The following PABPC4L variants were observed in gnomAD, a reference collection of about 807,000 sequenced individuals.
PABPC4L encodes the protein polyadenylate-binding protein 4-like.
For missense variants in PABPC4L, 452 were observed against 451.4 expected (o/e 1.00, Z -0.01); for synonymous variants, 169 against 164.1 (o/e 1.03, Z -0.23).
the PABPC4L span, among the ~76,000 whole-genome samples, chr4:134,015,057 C>G: frequency 2.6e-5 from 4 of 151,972 alleles, no homozygotes; most frequent in African/African-American, 4.8e-5. Context: ...CACCTTAACC[C>G]ACAAGTATAA....
the PABPC4L span, among the ~76,000 whole-genome samples, chr4:134,161,698 A>C: frequency 2.6e-5 from 4 of 152,162 alleles, no homozygotes; most frequent in Admixed American, 2.6e-4. Flanking sequence ...AGAATAGGGC[A>C]TTAATGAGCA....
chr4:133,975,024 T>C, the PABPC4L span, among the ~76,000 whole-genome samples: 1 of 152,152 alleles, frequency 6.6e-6, no homozygotes, highest in Non-Finnish European at 1.5e-5. Context: ...AAAACTCATG[T>C]TCACTCAATA....
the PABPC4L span, among the ~76,000 whole-genome samples, chr4:134,112,920 T>C: frequency 6.6e-6 from 1 of 151,878 alleles, no homozygotes; most frequent in Non-Finnish European, 1.5e-5. Flanking sequence ...GACCTTCCCT[T>C]GGGACAAGCC....
At chr4:134,070,137 G>A in the PABPC4L span, among the ~76,000 whole-genome samples, 1 of 151,968 alleles carries the variant, frequency 6.6e-6, no homozygotes, top group Non-Finnish European at 1.5e-5. Context: ...GTGGTTTCAT[G>A]TTGGTCCCCA....
At chr4:134,089,081 T>C in the PABPC4L span, among the ~76,000 whole-genome samples, 1 of 152,232 alleles carries the variant, frequency 6.6e-6, no homozygotes, top group South Asian at 2.1e-4. Flanking sequence ...AAACTAAATG[T>C]TGTAGTAACA....
At chr4:133,958,747 C>A in the PABPC4L span, among the ~76,000 whole-genome samples, 1 of 152,110 alleles carries the variant, frequency 6.6e-6, no homozygotes, top group Non-Finnish European at 1.5e-5. Flanking sequence ...GAAAACTATC[C>A]GATCTTTTGA....
chr4:134,123,951 T>C, the PABPC4L span, among the ~76,000 whole-genome samples: 1 of 152,002 alleles, frequency 6.6e-6, no homozygotes, highest in East Asian at 1.9e-4. Context: ...AATGGGAATT[T>C]TGTGATGTCT....
At chr4:134,115,100 T>C in the PABPC4L span, among the ~76,000 whole-genome samples, 1 of 151,872 alleles carries the variant, frequency 6.6e-6, no homozygotes, top group African/African-American at 2.4e-5. Flanking sequence ...CTTTTGTATT[T>C]ACTCAGCTCC....
chr4:134,182,718 C>A, the PABPC4L span, among the ~76,000 whole-genome samples: 10 of 151,872 alleles, frequency 6.6e-5, no homozygotes, highest in Admixed American at 6.6e-4. Context: ...CAACAGAGGT[C>A]TAATATCCAG....
chr4:133,996,476 T>G, the PABPC4L span, among the ~76,000 whole-genome samples: 1 of 152,174 alleles, frequency 6.6e-6, no homozygotes, highest in African/African-American at 2.4e-5. Flanking sequence ...TTATATACTG[T>G]TGCTGTTGAG....
At chr4:134,165,039 C>G in the PABPC4L span, among the ~76,000 whole-genome samples, 1 of 152,076 alleles carries the variant, frequency 6.6e-6, no homozygotes, top group Admixed American at 6.6e-5. Context: ...GAAAGGACTC[C>G]CTGTTCAATA....
chr4:134,171,681 A>T, the PABPC4L span, among the ~76,000 whole-genome samples: 4 of 152,170 alleles, frequency 2.6e-5, no homozygotes, highest in Admixed American at 1.3e-4. Flanking sequence ...GCAATCAGGC[A>T]AAGAAATGAA....
the PABPC4L span, among the ~76,000 whole-genome samples, chr4:133,973,347 C>T: frequency 6.7e-6 from 1 of 150,178 alleles, no homozygotes; most frequent in Admixed American, 6.8e-5. Flanking sequence ...AATCTGATGC[C>T]CCATAACAGC....
the PABPC4L span, among the ~76,000 whole-genome samples, chr4:133,985,330 T>C: frequency 6.6e-6 from 1 of 152,060 alleles, no homozygotes; most frequent in East Asian, 1.9e-4. Flanking sequence ...CATTCAGAAG[T>C]ACCTATTTAA....
At chr4:134,092,228 G>C in the PABPC4L span, among the ~76,000 whole-genome samples, 1 of 151,796 alleles carries the variant, frequency 6.6e-6, no homozygotes, top group Non-Finnish European at 1.5e-5. Flanking sequence ...AACCACCCAG[G>C]CCTGCCACAC....
the PABPC4L span, among the ~76,000 whole-genome samples, chr4:134,023,850 T>C: frequency 6.6e-6 from 1 of 152,134 alleles, no homozygotes; most frequent in Admixed American, 6.6e-5. Flanking sequence ...AATACATGAA[T>C]ATGATTTTTC....
the PABPC4L span, among the ~76,000 whole-genome samples, chr4:134,027,414 T>A: frequency 3.3e-5 from 5 of 152,144 alleles, no homozygotes; most frequent in Non-Finnish European, 7.3e-5. Flanking sequence ...AGAAGCCACG[T>A]TGTTTTTAAG....
the PABPC4L span, among the ~76,000 whole-genome samples, chr4:134,065,316 T>C: frequency 2.5e-5 from 3 of 117,830 alleles, no homozygotes. Context: ...TATCTCATTG[T>C]GATTTTGGTT....
At chr4:134,161,438 A>G in the PABPC4L span, among the ~76,000 whole-genome samples, 1 of 152,102 alleles carries the variant, frequency 6.6e-6, no homozygotes, top group Non-Finnish European at 1.5e-5. Flanking sequence ...AGGAGAAGAA[A>G]ACAAATAGAA....
Sources: allele counts gnomAD v4.1 joint callset (sites outside exome capture counted in the v4.1 genomes callset), GRCh38; gene constraint gnomAD v4.1.1; transcripts MANE v1.5; gene names NCBI Gene and HGNC (gene_info 2026-07-23, HGNC 2026-07-21).